BCKDHB: variants seen among roughly 807,000 people sequenced by gnomAD.
The protein encoded by BCKDHB is branched chain keto acid dehydrogenase E1 subunit beta.
In BCKDHB, 41 loss-of-function variants were observed where a neutral mutation model predicts 48.5. That is an observed-to-expected ratio of 0.85 (90% CI 0.66 to 1.10). The LOEUF (loss-of-function observed/expected upper bound fraction) is 1.10, where lower values mean the gene tolerates loss of function less well. Ranked by LOEUF, BCKDHB falls within the 50% of genes least tolerant of loss-of-function variation. The pLI, the probability that BCKDHB is intolerant of heterozygous loss-of-function variation, is 0.00. For missense variants in BCKDHB, 496 were observed against 494.2 expected (o/e 1.00, Z -0.03); for synonymous variants, 201 against 174.8 (o/e 1.15, Z -1.18).
chr6:80,411,638 C>T, the BCKDHB span, among the ~76,000 whole-genome samples: 1 of 152,238 alleles, frequency 6.6e-6, no homozygotes, highest in African/African-American at 2.4e-5. Context: ...ATCTTCCTGG[C>T]CACCTTGTTT....
intron 6 of BCKDHB, among the ~76,000 whole-genome samples, chr6:80,171,625 C>T (rs1793497516): frequency 1.3e-5 from 2 of 151,942 alleles, no homozygotes; most frequent in African/African-American, 4.8e-5. Flanking sequence ...GAAGTGGTAG[C>T]AACAATAAAG....
chr6:80,172,564 A>G (rs963712676), intron 6 of BCKDHB, among the ~76,000 whole-genome samples: 1 of 152,120 alleles, frequency 6.6e-6, no homozygotes, highest in Non-Finnish European at 1.5e-5. Context: ...TGTGAATAGT[A>G]TTAGCATATT....
the BCKDHB span, among the ~76,000 whole-genome samples, chr6:80,446,889 G>A: frequency 6.6e-6 from 1 of 151,974 alleles, no homozygotes; most frequent in East Asian, 1.9e-4. Flanking sequence ...TTATCTTATG[G>A]TTGGAATGTT....
the BCKDHB span, among the ~76,000 whole-genome samples, chr6:80,370,776 CGTGTGTGTGT>C: frequency 4.5e-5 from 2 of 44,466 alleles, no homozygotes; most frequent in South Asian, 9.1e-4. Context: ...GTATATATAG[CGTGTGTGTGT>C]ATATATAGCG....
chr6:80,184,691 T>A (rs1014576669), intron 6 of BCKDHB, among the ~76,000 whole-genome samples: 4 of 152,198 alleles, frequency 2.6e-5, no homozygotes, highest in African/African-American at 9.6e-5. Context: ...CCTCTATTTA[T>A]GAAGGTTAGT....
chr6:80,111,605 G>T (rs1769412620), intron 1 of BCKDHB, among the ~76,000 whole-genome samples: 1 of 152,128 alleles, frequency 6.6e-6, no homozygotes, highest in Non-Finnish European at 1.5e-5. Flanking sequence ...AATTCCTGCA[G>T]GCCTGAAATA....
intron 6 of BCKDHB, among the ~76,000 whole-genome samples, chr6:80,186,548 A>G (rs893215921): frequency 6.6e-6 from 1 of 152,212 alleles, no homozygotes. Flanking sequence ...TGCCTGCACC[A>G]TCAGCTGTGG....
the BCKDHB span, among the ~76,000 whole-genome samples, chr6:80,442,304 A>G: frequency 2.6e-5 from 4 of 152,196 alleles, no homozygotes; most frequent in Non-Finnish European, 4.4e-5. Flanking sequence ...CTTCTGAAAC[A>G]CTTTTATTCA....
At chr6:80,266,039 G>A (rs1005392196) in intron 8 of BCKDHB, among the ~76,000 whole-genome samples, 5 of 152,090 alleles carry the variant, frequency 3.3e-5, no homozygotes, top group Middle Eastern at 3.2e-3. Context: ...GAAGAGCCAG[G>A]AAGGGTCTTC....
At chr6:80,185,900 G>A (rs1773618589) in intron 6 of BCKDHB, among the ~76,000 whole-genome samples, 1 of 152,174 alleles carries the variant, frequency 6.6e-6, no homozygotes, top group Non-Finnish European at 1.5e-5. Context: ...TCGAATGCTG[G>A]TTATGCCAGC....
chr6:80,465,550 T>C, the BCKDHB span, among the ~76,000 whole-genome samples: 2 of 152,216 alleles, frequency 1.3e-5, no homozygotes, highest in African/African-American at 4.8e-5. Context: ...CATGGAGACA[T>C]GAATGCTTGT....
chr6:80,220,304 G>GTTTTTTTTTTTTTTTTTTTTATTTTTTTT (rs56967096), intron 8 of BCKDHB, among the ~76,000 whole-genome samples: 1 of 60,860 alleles, frequency 1.6e-5, no homozygotes. Context: ...CATGCTATTT[G>GTTTTTTTTTTTTTTTTTTTTATTTTTTTT]TTTTTTTTTT....
chr6:80,466,597 CAA>C, the BCKDHB span, among the ~76,000 whole-genome samples: 1 of 152,070 alleles, frequency 6.6e-6, no homozygotes, highest in Non-Finnish European at 1.5e-5. Flanking sequence ...AGACATATAT[CAA>C]AACATCACAT....
At chr6:80,170,016 CCTT>C in intron 5 of BCKDHB, 1 of 1,098,460 alleles carries the variant, frequency 9.1e-7, no homozygotes, top group Non-Finnish European at 1.2e-6. Flanking sequence ...CTCTTTTCCT[CCTT>C]CATTTTCTTT....
intron 8 of BCKDHB, among the ~76,000 whole-genome samples, chr6:80,243,695 G>C (rs1275003228): frequency 6.6e-6 from 1 of 152,020 alleles, no homozygotes; most frequent in African/African-American, 2.4e-5. Context: ...TCTGTGCCCA[G>C]CTAATTTTTG....
chr6:80,123,870 C>G (rs4706112), intron 1 of BCKDHB, among the ~76,000 whole-genome samples: 142,031 of 152,236 alleles, frequency 0.93, 66,387 homozygotes, highest in East Asian at 1. Context: ...TTTTTTTGAA[C>G]GGTTTTTTTG....
intron 9 of BCKDHB, among the ~76,000 whole-genome samples, chr6:80,323,073 C>G (rs1468779984): frequency 6.6e-6 from 1 of 152,088 alleles, no homozygotes; most frequent in Non-Finnish European, 1.5e-5. Context: ...AAGTGCATAA[C>G]TGGACTAGTC....
the BCKDHB span, among the ~76,000 whole-genome samples, chr6:80,446,327 C>A: frequency 1.3e-5 from 2 of 152,230 alleles, no homozygotes; most frequent in African/African-American, 4.8e-5. Context: ...TACAGCCAGG[C>A]ACGTGGGCAT....
chr6:80,155,364 T>C (rs1047482673), intron 3 of BCKDHB, among the ~76,000 whole-genome samples: 1 of 152,162 alleles, frequency 6.6e-6, no homozygotes, highest in South Asian at 2.1e-4. Flanking sequence ...TTTTAGCATT[T>C]GTGACTTGAG....
Sources: gnomAD v4.1 joint callset for allele counts (sites outside exome capture counted in the v4.1 genomes callset) on GRCh38, gnomAD v4.1.1 for gene constraint, MANE v1.5 for transcripts, NCBI Gene and HGNC (gene_info 2026-07-23, HGNC 2026-07-21) for gene names.